Variants in ACTR2 observed in about 807,000 individuals in gnomAD.
ACTR2 encodes the protein actin-related protein 2.
A neutral mutation model predicts 50.2 loss-of-function variants in ACTR2; 5 were observed. The observed-to-expected ratio is 0.10, with a 90% CI of 0.05 to 0.21. The LOEUF (loss-of-function observed/expected upper bound fraction) is 0.21. Ranked by LOEUF, ACTR2 falls within the 10% of genes least tolerant of loss-of-function variation. The pLI is 1.00. For missense variants in ACTR2, 180 were observed against 480.6 expected (o/e 0.37, Z 5.85); for synonymous variants, 140 against 162.9 (o/e 0.86, Z 1.07).
chr2:65,246,867 C>T (rs1051740502), intron 3 of ACTR2, 128 bp downstream of exon 3: 11 of 685,808 alleles, frequency 1.6e-5, no homozygotes, highest in African/African-American at 3.8e-5. Context: ...TATTAAGTAT[C>T]TACTATATGC....
At chr2:65,236,808 C>T (rs1161191731) in intron 1 of ACTR2, among the ~76,000 whole-genome samples, 1 of 152,154 alleles carries the variant, frequency 6.6e-6, no homozygotes, top group Non-Finnish European at 1.5e-5. Context: ...TCTCAAACTT[C>T]TGGCCTCATG....
intron 3 of ACTR2, among the ~76,000 whole-genome samples, chr2:65,247,532 G>C (rs1283525520): frequency 6.6e-6 from 1 of 152,156 alleles, no homozygotes; most frequent in East Asian, 1.9e-4. Flanking sequence ...AGCTTGCAGT[G>C]AGTGGAGATC....
chr2:65,248,182 A>C (rs1229820714), intron 3 of ACTR2, among the ~76,000 whole-genome samples: 1 of 152,150 alleles, frequency 6.6e-6, no homozygotes, highest in Admixed American at 6.5e-5. Context: ...TGGGCGGATC[A>C]CGAGGTCAAG....
At position 65,227,899 on chromosome 2, in the gene ACTR2, C is replaced by T. The variant is rs946622248; in HGVS notation, c.-11C>T. ...GTTGTGCGGCTGCAGCGGCTCTTCC[C>T]TGGGCGGACGATGGACAGCCAGGGC... is the stretch of plus-strand genomic sequence containing the variant. On this transcript the variant is annotated 5_prime_UTR_variant, in exon 1 of 9. Coordinates refer to ENST00000260641, the MANE Select transcript of ACTR2 (RefSeq NM_005722.4). 19 of 1,518,234 alleles carry T rather than the reference C, an allele frequency of 1.3e-5. No homozygotes were observed. The Middle Eastern group carries it at 6.5e-4, about 52-fold the overall frequency. 94.0% of individuals were successfully genotyped at this position (1,518,234 alleles called of 1,614,324 possible).
chr2:65,252,555 G>C (rs1672073727), intron 4 of ACTR2, among the ~76,000 whole-genome samples: 1 of 152,000 alleles, frequency 6.6e-6, no homozygotes, highest in Non-Finnish European at 1.5e-5. Flanking sequence ...TGAGGCGGGA[G>C]AATCGCTTGA....
rs375614599 is a variant in ACTR2 at position 65,261,244 on chromosome 2, T to C, written c.736-3T>C. 2.4e-5 allele frequency: 39 copies of C among 1,613,910 alleles called. No homozygotes were observed. The highest frequency in any genetic ancestry group is 3.3e-5 in the Non-Finnish European group (39 of 1,179,994). On this transcript the variant is annotated splice_polypyrimidine_tract_variant and splice_region_variant and intron_variant, in intron 6 of 8. Transcript: ENST00000260641. ...TTAGTACCTGATTATTCTTGGTTTC[T>C]AGCTCCCAGATGGACGTATCATCAA...
chr2:65,241,731 TAAAG>T (rs142027463), intron 2 of ACTR2, among the ~76,000 whole-genome samples: 128 of 152,308 alleles, frequency 8.4e-4, no homozygotes, highest in African/African-American at 2.9e-3. Flanking sequence ...AGTAATGAAT[TAAAG>T]AAGCTTACTT....
Position 65,265,106 on chromosome 2 carries a change from A to G in ACTR2, c.945A>G (p.Ser315=). 1.2e-6 allele frequency: 2 copies of G among 1,614,206 alleles called. No individual in the cohort carries two copies. The highest frequency in any genetic ancestry group is 1.7e-6 in the Non-Finnish European group (2 of 1,180,036). The stretch of plus-strand genomic sequence containing the variant: ...CTACTATGTATCCTGGCCTGCCATC[A>G]CGGTTGGAACGAGAACTTAAACAGC... ...GGSTMYPGLP[S]RLERELKQLY... Residue 315 remains serine, a synonymous_variant, in exon 8 of 9, where the codon TCA becomes TCG. Coordinates refer to ENST00000260641, the MANE Select transcript of ACTR2 (RefSeq NM_005722.4).
At chr2:65,229,766 A>AAAAG (rs1553405864) in intron 1 of ACTR2, among the ~76,000 whole-genome samples, 16 of 148,850 alleles carry the variant, frequency 1.1e-4, no homozygotes, top group Non-Finnish European at 2.2e-4. Context: ...AAAAAAAAAA[A>AAAAG]AAAAAGAAAA....
At chr2:65,239,109 T>C (rs1359857337) in intron 1 of ACTR2, among the ~76,000 whole-genome samples, 2 of 152,232 alleles carry the variant, frequency 1.3e-5, no homozygotes, top group African/African-American at 4.8e-5. Context: ...AAGTCTGCTT[T>C]AGAATTGAAG....
At chr2:65,233,090 G>A (rs1218841270) in intron 1 of ACTR2, among the ~76,000 whole-genome samples, 1 of 151,858 alleles carries the variant, frequency 6.6e-6, no homozygotes, top group Admixed American at 6.6e-5. Flanking sequence ...CATCTCCCGG[G>A]TTCAAGCAAT....
chr2:65,261,851 C>T (rs1285676118), intron 7 of ACTR2, among the ~76,000 whole-genome samples: 3 of 152,246 alleles, frequency 2.0e-5, no homozygotes, highest in Non-Finnish European at 4.4e-5. Flanking sequence ...CACACTCCCA[C>T]CAGCAGTGTA....
At chr2:65,265,352 C>T (rs4671647) in intron 8 of ACTR2, 177 bp downstream of exon 8, 233,274 of 744,862 alleles carry the variant, frequency 0.31, 41,661 homozygotes, top group East Asian at 0.74. Context: ...GCTCTGGTCA[C>T]CTCTATAGAG....
At chr2:65,236,337 A>G (rs1671738261) in intron 1 of ACTR2, among the ~76,000 whole-genome samples, 1 of 147,624 alleles carries the variant, frequency 6.8e-6, no homozygotes, top group Non-Finnish European at 1.5e-5. Flanking sequence ...CTCCATCTCA[A>G]AAAAAAAAAA....
chr2:65,255,836 CTT>C (rs1672139612), intron 6 of ACTR2, 142 bp downstream of exon 6: 1 of 588,842 alleles, frequency 1.7e-6, no homozygotes, highest in African/African-American at 1.9e-5. Flanking sequence ...TTTAATGTCT[CTT>C]TCTACATTAA....
In ACTR2 at chr2:65,255,656, C is replaced by T; in HGVS notation, c.697C>T (p.Leu233=). ...ATATAATATTGAGCAAGAGCAGAAACTGGCCTTAGAAACCACAGTATTAGT... is the reference window on the plus strand; with the variant it reads ...ATATAATATTGAGCAAGAGCAGAAATTGGCCTTAGAAACCACAGTATTAGT... ...VGYNIEQEQK[L]ALETTVLVES... The change falls in exon 6 of 9, where the codon CTG becomes TTG. Residue 233 remains leucine, a synonymous_variant. Coordinates refer to ENST00000260641, the MANE Select transcript of ACTR2 (RefSeq NM_005722.4). 6.2e-7 allele frequency: 1 copy of T among 1,613,868 alleles called. No homozygotes were observed. Among genetic ancestry groups the T allele is most frequent in the Non-Finnish European group, 8.5e-7 (1 of 1,179,830 alleles).
intron 1 of ACTR2, among the ~76,000 whole-genome samples, chr2:65,238,552 G>A (rs1253399752): frequency 4.0e-5 from 6 of 151,650 alleles, no homozygotes; most frequent in Non-Finnish European, 8.8e-5. Context: ...TCAGCTACTC[G>A]GGATGCTGAG....
intron 8 of ACTR2, among the ~76,000 whole-genome samples, chr2:65,267,137 A>G (rs79351084): frequency 1.3e-3 from 205 of 152,306 alleles, no homozygotes; most frequent in Middle Eastern, 0.01. Flanking sequence ...CTTAGAGTAG[A>G]GGTGGTCATC....
chr2:65,253,622 C>T (rs915155538), intron 4 of ACTR2, 106 bp from the exon 5 acceptor site: 8 of 1,099,282 alleles, frequency 7.3e-6, no homozygotes, highest in Admixed American at 2.3e-5. Flanking sequence ...ATTCTGGCTT[C>T]TAGTTGGTTA....
Sources: gnomAD v4.1 joint callset for allele counts (sites outside exome capture counted in the v4.1 genomes callset) on GRCh38, gnomAD v4.1.1 for gene constraint, MANE v1.5 for transcripts, NCBI Gene and HGNC (gene_info 2026-07-23, HGNC 2026-07-21) for gene names.